The following SLC39A11 variants were observed in gnomAD, a reference collection of about 807,000 sequenced individuals.
SLC39A11 encodes zinc transporter ZIP11.
Under a neutral mutation model 36.1 loss-of-function variants are expected in SLC39A11, and 33 were observed. That is an observed-to-expected ratio of 0.91 (90% CI 0.69 to 1.22). The LOEUF is 1.22. SLC39A11 is among the 50% of genes most tolerant of loss of function. The pLI is 0.00. For missense variants in SLC39A11, 432 were observed against 430.3 expected, an observed-to-expected ratio of 1.00 and a Z score of -0.03; for synonymous variants, 166 against 170.3, an observed-to-expected ratio of 0.97 and a Z score of 0.20.
At chr17:73,067,929 C>G (rs1291536795) in intron 3 of SLC39A11, 9 of 1,605,098 alleles carry the variant, frequency 5.6e-6, no homozygotes, top group Non-Finnish European at 7.7e-6. Context: ...CCAAAACACT[C>G]AGAGAGAGTT....
In SLC39A11 at chr17:73,047,796, C is replaced by T. The variant is rs199946187; in HGVS notation, c.148-16082G>A. Among the ~76,000 whole-genome samples, 6 of 150,952 alleles carry T rather than the reference C, an allele frequency of 4.0e-5. No individual in the cohort carries two copies. In the East Asian group the frequency reaches 7.8e-4, roughly 20 times the overall value. ...CAGCCTGGCCAACATGGTGAAACCC[C>T]GTCTCTACTAAAAATACAAAAATTA... On this transcript the variant is annotated intron_variant, in intron 3 of 9. Coordinates refer to ENST00000255559, the MANE Select transcript of SLC39A11 (RefSeq NM_139177.4).
chr17:72,910,041 C>T (rs963815494), intron 5 of SLC39A11, among the ~76,000 whole-genome samples: 38 of 152,084 alleles, frequency 2.5e-4, no homozygotes, highest in Non-Finnish European at 4.6e-4. Flanking sequence ...TGTGAGCCAC[C>T]GCACCCGGCC....
At chr17:72,768,561 C>T (rs568355228) in intron 6 of SLC39A11, among the ~76,000 whole-genome samples, 1 of 152,114 alleles carries the variant, frequency 6.6e-6, no homozygotes, top group East Asian at 1.9e-4. Flanking sequence ...ACATATGAGG[C>T]AGGAACCGAG....
chr17:72,763,341 G>C (rs535672593), intron 6 of SLC39A11, among the ~76,000 whole-genome samples: 1 of 152,112 alleles, frequency 6.6e-6, no homozygotes, highest in East Asian at 1.9e-4. Flanking sequence ...CTACAAAACA[G>C]GAATTTCCTA....
intron 3 of SLC39A11, among the ~76,000 whole-genome samples, chr17:73,048,836 G>C (rs1341574722): frequency 6.6e-6 from 1 of 152,188 alleles, no homozygotes; most frequent in African/African-American, 2.4e-5. Flanking sequence ...AAAAGGGGTT[G>C]AATCAAACCC....
At chr17:72,755,235 GAAGGA>G (rs2075325667) in intron 6 of SLC39A11, among the ~76,000 whole-genome samples, 2 of 152,226 alleles carry the variant, frequency 1.3e-5, no homozygotes, top group African/African-American at 4.8e-5. Context: ...GTCTGGAAAT[GAAGGA>G]AACCTTTGCA....
At chr17:73,002,399 G>C (rs2148404357) in intron 4 of SLC39A11, among the ~76,000 whole-genome samples, 1 of 152,282 alleles carries the variant, frequency 6.6e-6, no homozygotes, top group Admixed American at 6.5e-5. Context: ...GCCAGAGCCT[G>C]CGCTACTGGT....
chr17:72,944,114 A>G (rs1453299292), intron 5 of SLC39A11, among the ~76,000 whole-genome samples: 19 of 152,128 alleles, frequency 1.2e-4, no homozygotes, highest in African/African-American at 4.6e-4. Context: ...TATGCTTATA[A>G]AACCCAACCC....
chr17:72,739,769 A>G (rs960570016), intron 6 of SLC39A11, among the ~76,000 whole-genome samples: 5 of 152,142 alleles, frequency 3.3e-5, no homozygotes, highest in African/African-American at 9.7e-5. Flanking sequence ...AGGCTTTAAA[A>G]TCGATACGCA....
intron 6 of SLC39A11, among the ~76,000 whole-genome samples, chr17:72,756,331 C>T (rs1362706459): frequency 6.6e-6 from 1 of 152,196 alleles, no homozygotes; most frequent in Non-Finnish European, 1.5e-5. Context: ...TACTTGCCTA[C>T]CTACATTTAC....
At chr17:72,899,726 C>T (rs1238361242) in intron 5 of SLC39A11, among the ~76,000 whole-genome samples, 1 of 152,110 alleles carries the variant, frequency 6.6e-6, no homozygotes, top group African/African-American at 2.4e-5. Context: ...CTTTGGGAGG[C>T]CAAGGTGGAC....
intron 3 of SLC39A11, among the ~76,000 whole-genome samples, chr17:73,078,439 A>T (rs949428282): frequency 6.6e-6 from 1 of 151,968 alleles, no homozygotes; most frequent in Non-Finnish European, 1.5e-5. Context: ...AGCTAGGTAG[A>T]TAGATTTGTT....
intron 3 of SLC39A11, among the ~76,000 whole-genome samples, chr17:73,077,609 T>C (rs2060367029): frequency 6.6e-6 from 1 of 152,186 alleles, no homozygotes; most frequent in Admixed American, 6.5e-5. Flanking sequence ...ATTATAGGTG[T>C]GAGATATCGC....
At chr17:72,739,241 C>T (rs962408956) in intron 6 of SLC39A11, among the ~76,000 whole-genome samples, 4 of 151,960 alleles carry the variant, frequency 2.6e-5, no homozygotes, top group South Asian at 4.2e-4. Context: ...GAGTCTCCTG[C>T]CTCAGCCTCC....
intron 3 of SLC39A11, chr17:73,068,262 G>A: frequency 1.4e-6 from 1 of 728,958 alleles, no homozygotes; most frequent in Non-Finnish European, 2.4e-6. Flanking sequence ...GGAGGAAGCT[G>A]CAACATGGAC....
At chr17:73,048,393 T>C (rs1369679723) in intron 3 of SLC39A11, among the ~76,000 whole-genome samples, 1 of 152,210 alleles carries the variant, frequency 6.6e-6, no homozygotes, top group Non-Finnish European at 1.5e-5. Context: ...CTGCATAGTA[T>C]TCCATGGTGC....
At chr17:72,649,057 T>C in intron 8 of SLC39A11, 96 bp from the exon 9 acceptor site, 2 of 1,548,456 alleles carry the variant, frequency 1.3e-6, no homozygotes, top group African/African-American at 1.4e-5. Context: ...CATGGATGCA[T>C]GCCATTCTAC....
At chr17:73,041,005 A>AC (rs1241221712) in intron 3 of SLC39A11, among the ~76,000 whole-genome samples, 2 of 142,004 alleles carry the variant, frequency 1.4e-5, no homozygotes, top group East Asian at 2.0e-4. Flanking sequence ...CAAAAAACAA[A>AC]AAACAAAAAA....
chr17:72,666,033 T>C (rs1225519667), intron 7 of SLC39A11, among the ~76,000 whole-genome samples: 1 of 152,204 alleles, frequency 6.6e-6, no homozygotes, highest in Admixed American at 6.5e-5. Flanking sequence ...CTAGCAGGTC[T>C]GATGTCTGCT....
Sources: gnomAD v4.1 joint callset for allele counts (sites outside exome capture counted in the v4.1 genomes callset) on GRCh38, gnomAD v4.1.1 for gene constraint, MANE v1.5 for transcripts, NCBI Gene and HGNC (gene_info 2026-07-23, HGNC 2026-07-21) for gene names.